Variants in CCSER1 observed in about 807,000 individuals in gnomAD.
The protein encoded by CCSER1 is coiled-coil serine rich protein 1.
A neutral mutation model predicts 82.0 loss-of-function variants in CCSER1; 41 were observed. That is an observed-to-expected ratio of 0.50 (90% CI 0.39 to 0.65). CCSER1 has a LOEUF of 0.65. Ranked by LOEUF, CCSER1 falls within the 30% of genes least tolerant of loss-of-function variation. The probability of loss-of-function intolerance (pLI) is 0.00; values close to 1 mark genes in which losing one functional copy is unlikely to be tolerated. For synonymous variants in CCSER1, 414 were observed against 383.9 expected (o/e 1.08, Z -0.92); for missense variants, 1,119 against 1,064.2 (o/e 1.05, Z -0.72).
intron 9 of CCSER1, among the ~76,000 whole-genome samples, chr4:90,946,164 T>G (rs1174408873): frequency 3.3e-5 from 5 of 152,226 alleles, no homozygotes; most frequent in Admixed American, 1.3e-4. Context: ...TAATGCTAAT[T>G]TTATAAGCAT....
At chr4:90,397,670 T>C (rs896988667) in intron 3 of CCSER1, among the ~76,000 whole-genome samples, 7 of 152,174 alleles carry the variant, frequency 4.6e-5, no homozygotes, top group African/African-American at 7.2e-5. Flanking sequence ...GGGATGGGGC[T>C]TTGGTCACCA....
At chr4:91,073,157 GA>G (rs1241648110) in intron 9 of CCSER1, among the ~76,000 whole-genome samples, 10 of 151,992 alleles carry the variant, frequency 6.6e-5, no homozygotes, top group Non-Finnish European at 1.0e-4. Flanking sequence ...AAGGAGGGAA[GA>G]AAAAATATAG....
chr4:91,217,924 C>T (rs527379341), intron 10 of CCSER1, among the ~76,000 whole-genome samples: 45 of 152,334 alleles, frequency 3.0e-4, no homozygotes, highest in Non-Finnish European at 5.1e-4. Context: ...GATCCCGCAC[C>T]GGGGCTGCAG....
intron 3 of CCSER1, among the ~76,000 whole-genome samples, chr4:90,359,417 T>A (rs1226736192): frequency 6.6e-6 from 1 of 152,060 alleles, no homozygotes; most frequent in African/African-American, 2.4e-5. Flanking sequence ...GCATATAACC[T>A]CTGGAGCATG....
chr4:91,076,735 A>G (rs1282924336), intron 9 of CCSER1, among the ~76,000 whole-genome samples: 3 of 152,210 alleles, frequency 2.0e-5, no homozygotes, highest in Non-Finnish European at 1.5e-5. Flanking sequence ...GACTAAATAC[A>G]TAGAAAGGCT....
intron 10 of CCSER1, among the ~76,000 whole-genome samples, chr4:91,386,838 A>C (rs1452321185): frequency 1.3e-5 from 2 of 152,058 alleles, no homozygotes; most frequent in Non-Finnish European, 2.9e-5. Context: ...GACAAACTCA[A>C]AATGTGAAAT....
intron 9 of CCSER1, among the ~76,000 whole-genome samples, chr4:90,968,943 T>C (rs1483877015): frequency 6.6e-6 from 1 of 151,536 alleles, no homozygotes; most frequent in Non-Finnish European, 1.5e-5. Flanking sequence ...AAACAATATA[T>C]GAACAAAATG....
chr4:90,373,086 T>C (rs1051239531), intron 3 of CCSER1, among the ~76,000 whole-genome samples: 2 of 152,154 alleles, frequency 1.3e-5, no homozygotes, highest in East Asian at 3.9e-4. Flanking sequence ...GATTTTTAGG[T>C]AGTATGCTGG....
chr4:90,206,187 C>T (rs186129547), intron 1 of CCSER1, among the ~76,000 whole-genome samples: 132 of 152,066 alleles, frequency 8.7e-4, no homozygotes, highest in Admixed American at 1.8e-3. Context: ...TTTTTTGTGT[C>T]TCCATCTCCT....
At chr4:90,800,682 G>A (rs748444398) in intron 7 of CCSER1, among the ~76,000 whole-genome samples, 13 of 152,162 alleles carry the variant, frequency 8.5e-5, no homozygotes, top group South Asian at 2.1e-4. Flanking sequence ...TTTGTAAAGC[G>A]ACTTATGTCT....
intron 8 of CCSER1, among the ~76,000 whole-genome samples, chr4:90,890,978 A>G (rs189394219): frequency 1.6e-3 from 240 of 152,254 alleles, no homozygotes; most frequent in Non-Finnish European, 2.5e-3. Context: ...AATAAGACCC[A>G]TAAGAGACTA....
intron 4 of CCSER1, among the ~76,000 whole-genome samples, chr4:90,444,948 G>C (rs1760437145): frequency 1.3e-5 from 2 of 151,906 alleles, no homozygotes. Context: ...TAATATAACA[G>C]TTCCAAAATG....
chr4:90,758,515 A>G (rs1749909403), intron 7 of CCSER1, among the ~76,000 whole-genome samples: 1 of 152,196 alleles, frequency 6.6e-6, no homozygotes. Context: ...AGCAGATTAA[A>G]TTTCTTAAAT....
chr4:90,976,426 A>G (rs1735623924), intron 9 of CCSER1, among the ~76,000 whole-genome samples: 1 of 151,206 alleles, frequency 6.6e-6, no homozygotes, highest in African/African-American at 2.4e-5. Flanking sequence ...TATAGATCAA[A>G]TGACATATTT....
At chr4:91,324,633 T>G (rs925032915) in intron 10 of CCSER1, among the ~76,000 whole-genome samples, 1 of 152,190 alleles carries the variant, frequency 6.6e-6, no homozygotes, top group South Asian at 2.1e-4. Context: ...TAGTGATGTC[T>G]TTGGCTCTGA....
At chr4:90,497,050 A>C (rs1015760386) in intron 5 of CCSER1, among the ~76,000 whole-genome samples, 1 of 151,728 alleles carries the variant, frequency 6.6e-6, no homozygotes, top group Admixed American at 6.6e-5. Flanking sequence ...GGAAAGAGAG[A>C]CCAAGATAAA....
intron 10 of CCSER1, among the ~76,000 whole-genome samples, chr4:91,161,190 T>A (rs1353003464): frequency 6.6e-6 from 1 of 152,176 alleles, no homozygotes; most frequent in Non-Finnish European, 1.5e-5. Flanking sequence ...TTTTGTCAGA[T>A]TTGTCAAAAA....
chr4:90,789,504 G>A (rs558999021), intron 7 of CCSER1, among the ~76,000 whole-genome samples: 1 of 151,886 alleles, frequency 6.6e-6, no homozygotes, highest in Non-Finnish European at 1.5e-5. Context: ...CTACTGATAT[G>A]GTTTGGCTCT....
In CCSER1 at chr4:90,308,786, C is replaced by A. The variant is rs2153478651; in HGVS notation, c.502C>A (p.Gln168Lys). 1.2e-6 allele frequency: 2 copies of A among 1,613,768 alleles called. No individual in the cohort carries two copies. Among genetic ancestry groups the A allele is most frequent in the East Asian group, 2.2e-5 (1 of 44,856 alleles). Residue 168 changes from glutamine (Q) to lysine (K), a missense_variant, in exon 2 of 11, where the codon CAA becomes AAA. Transcript: ENST00000509176. The stretch of plus-strand genomic sequence containing the variant: ...GGATGATTCTGGTTTCACAGAAGAC[C>A]AAACTCGTCGTTCTGTTAAGCAGTC... ...EGDDSGFTED[Q>K]TRRSVKQSTR... is the part of the protein sequence containing the mutation.
Sources: gnomAD v4.1 joint callset for allele counts (sites outside exome capture counted in the v4.1 genomes callset) on GRCh38, gnomAD v4.1.1 for gene constraint, MANE v1.5 for transcripts, NCBI Gene and HGNC (gene_info 2026-07-23, HGNC 2026-07-21) for gene names.